XKR6: variants seen among roughly 807,000 people sequenced by gnomAD.
The protein encoded by XKR6 is XK related 6.
Under a neutral mutation model 56.7 loss-of-function variants are expected in XKR6, and 22 were observed. The ratio of observed to expected loss-of-function variants is 0.39; its 90% CI spans 0.28 to 0.55. XKR6 has a LOEUF of 0.55. Among genes scored for constraint, XKR6 ranks in the 20% least tolerant of loss-of-function variants. The pLI, the probability that XKR6 is intolerant of heterozygous loss-of-function variation, is 0.66. For missense variants in XKR6, 852 were observed against 889.0 expected (o/e 0.96, Z 0.53); for synonymous variants, 524 against 387.8 (o/e 1.35, Z -4.13).
intron 1 of XKR6, among the ~76,000 whole-genome samples, chr8:10,933,033 G>C (rs1412057526): frequency 6.6e-6 from 1 of 152,002 alleles, no homozygotes; most frequent in Non-Finnish European, 1.5e-5. Context: ...CTAGTTTACA[G>C]TCCCACCAAC....
intron 1 of XKR6, among the ~76,000 whole-genome samples, chr8:10,926,824 A>G (rs1800898843): frequency 6.6e-6 from 1 of 152,250 alleles, no homozygotes; most frequent in African/African-American, 2.4e-5. Flanking sequence ...GTGAGTTCAC[A>G]AAATCAAGGA....
chr8:11,032,545 T>C (rs575753761), intron 1 of XKR6, among the ~76,000 whole-genome samples: 1 of 152,276 alleles, frequency 6.6e-6, no homozygotes, highest in African/African-American at 2.4e-5. Context: ...AATGTTGGCC[T>C]GGAGCAAATT....
intron 1 of XKR6, among the ~76,000 whole-genome samples, chr8:11,162,336 ACAC>A (rs1801854675): frequency 6.6e-6 from 1 of 152,158 alleles, no homozygotes; most frequent in African/African-American, 2.4e-5. Context: ...CTGAAGAGCT[ACAC>A]TCCAGCCTCC....
At chr8:11,190,242 A>AG (rs1183375461) in intron 1 of XKR6, among the ~76,000 whole-genome samples, 4 of 151,484 alleles carry the variant, frequency 2.6e-5, no homozygotes, top group Non-Finnish European at 2.9e-5. Flanking sequence ...AAAAAAGAAA[A>AG]AAGAAAAGAA....
intron 1 of XKR6, among the ~76,000 whole-genome samples, chr8:11,092,473 G>T (rs1261047248): frequency 6.6e-6 from 1 of 152,190 alleles, no homozygotes; most frequent in East Asian, 1.9e-4. Flanking sequence ...GTTTAGGGGG[G>T]TAGGTGAGGA....
intron 1 of XKR6, among the ~76,000 whole-genome samples, chr8:11,115,005 C>T (rs1424637821): frequency 6.6e-6 from 1 of 152,180 alleles, no homozygotes; most frequent in Non-Finnish European, 1.5e-5. Context: ...TTCTAAACCT[C>T]ATCAGTGAGT....
At chr8:10,903,273 G>A (rs892055845) in intron 2 of XKR6, among the ~76,000 whole-genome samples, 13 of 152,242 alleles carry the variant, frequency 8.5e-5, no homozygotes, top group African/African-American at 3.1e-4. Flanking sequence ...CAGGACTGTC[G>A]CTGCAATTCT....
At chr8:11,133,078 T>G (rs980438998) in intron 1 of XKR6, among the ~76,000 whole-genome samples, 1 of 152,176 alleles carries the variant, frequency 6.6e-6, no homozygotes, top group Non-Finnish European at 1.5e-5. Context: ...CAAGTTGTAC[T>G]GCAAAGCAAA....
chr8:10,984,730 CTCTATATA>C (rs1187818263), intron 1 of XKR6, among the ~76,000 whole-genome samples: 4 of 63,668 alleles, frequency 6.3e-5, no homozygotes, highest in Middle Eastern at 0.011. Flanking sequence ...CTCTCTCTCT[CTCTATATA>C]TATATATATA....
rs899649389 is a variant in XKR6 at position 11,179,104 on chromosome 8, G to C, written c.764+21472C>G. 2.2e-5 allele frequency among the ~76,000 whole-genome samples: 3 copies of C among 134,066 alleles called. No homozygotes were observed. The Admixed American group carries it at 2.6e-4, about 12-fold the overall frequency. The allele number at this position is 134,066 out of a possible 152,430, so 88.0% of individuals were successfully genotyped here. A position where few individuals can be genotyped will look rare whatever the true frequency, so the allele number is the denominator to read the frequency against. On this transcript the variant is annotated intron_variant, in intron 1 of 2. Transcript: ENST00000416569. Reference sequence around the variant, plus strand: ...ACTCTCAGCCTCAAGCAATCCTCCCGCATCAGCCTCCCAAAGTGCTGGTAT... The same window carrying C: ...ACTCTCAGCCTCAAGCAATCCTCCCCCATCAGCCTCCCAAAGTGCTGGTAT...
intron 2 of XKR6, among the ~76,000 whole-genome samples, chr8:10,904,693 C>T (rs1355401094): frequency 6.6e-6 from 1 of 152,076 alleles, no homozygotes; most frequent in Non-Finnish European, 1.5e-5. Context: ...ATGGGAGCCC[C>T]GACACATCTC....
chr8:11,141,987 G>T (rs1186609956), intron 1 of XKR6, among the ~76,000 whole-genome samples: 2 of 145,654 alleles, frequency 1.4e-5, no homozygotes, highest in African/African-American at 5.1e-5. Context: ...GGACACATAA[G>T]ATTTGTCCAT....
intron 1 of XKR6, among the ~76,000 whole-genome samples, chr8:11,190,743 G>A (rs143708714): frequency 1.2e-3 from 184 of 152,256 alleles, no homozygotes; most frequent in African/African-American, 3.5e-3. Context: ...CGTCCCAGAG[G>A]TAAAGCAAAC....
chr8:11,166,464 T>C (rs1459570671), intron 1 of XKR6, among the ~76,000 whole-genome samples: 1 of 152,218 alleles, frequency 6.6e-6, no homozygotes, highest in Non-Finnish European at 1.5e-5. Flanking sequence ...ACCTAGTCTA[T>C]GGTGGGATTT....
chr8:11,078,756 C>A (rs1295384454), intron 1 of XKR6, among the ~76,000 whole-genome samples: 1 of 152,120 alleles, frequency 6.6e-6, no homozygotes, highest in Non-Finnish European at 1.5e-5. Context: ...CTGGGTAGGC[C>A]CAGAATGACG....
At chr8:10,905,639 C>T (rs1240863084) in intron 2 of XKR6, among the ~76,000 whole-genome samples, 1 of 152,194 alleles carries the variant, frequency 6.6e-6, no homozygotes, top group Non-Finnish European at 1.5e-5. Context: ...AGGACAACAT[C>T]TCCCTCTTTC....
chr8:11,154,386 A>T (rs566248835), intron 1 of XKR6, among the ~76,000 whole-genome samples: 2 of 152,350 alleles, frequency 1.3e-5, no homozygotes, highest in East Asian at 3.9e-4. Flanking sequence ...GGAGGGTAAC[A>T]ATGCCCAGCC....
chr8:11,085,271 C>T (rs1293281327), intron 1 of XKR6, among the ~76,000 whole-genome samples: 1 of 152,188 alleles, frequency 6.6e-6, no homozygotes, highest in Admixed American at 6.5e-5. Context: ...GTCTCTCTAA[C>T]TGTGGCAACA....
intron 1 of XKR6, among the ~76,000 whole-genome samples, chr8:11,054,502 G>A (rs1193247406): frequency 6.6e-6 from 1 of 152,194 alleles, no homozygotes; most frequent in Admixed American, 6.5e-5. Context: ...TGCATGGGTG[G>A]GCACAGAGTC....
Sources: allele counts gnomAD v4.1 joint callset (sites outside exome capture counted in the v4.1 genomes callset), GRCh38; gene constraint gnomAD v4.1.1; transcripts MANE v1.5; gene names NCBI Gene and HGNC (gene_info 2026-07-23, HGNC 2026-07-21).